CADM1: variants seen among roughly 807,000 people sequenced by gnomAD.
The protein encoded by CADM1 is cell adhesion molecule 1, also known as TSLC-1.
Under a neutral mutation model 53.1 loss-of-function variants are expected in CADM1, and 15 were observed. The observed-to-expected ratio is 0.28, with a 90% CI of 0.19 to 0.44. CADM1 has a LOEUF of 0.44. Ranked by LOEUF, CADM1 falls within the 20% of genes least tolerant of loss-of-function variation. The pLI is 1.00. For missense variants in CADM1, 434 were observed against 611.3 expected, an observed-to-expected ratio of 0.71 and a Z score of 3.06; for synonymous variants, 281 against 243.0, an observed-to-expected ratio of 1.16 and a Z score of -1.45.
intron 3 of CADM1, among the ~76,000 whole-genome samples, chr11:115,231,966 AC>A (rs1330263732): frequency 6.6e-6 from 1 of 151,504 alleles, no homozygotes; most frequent in Non-Finnish European, 1.5e-5. Flanking sequence ...AGCCTGGGCA[AC>A]AAGAGCGAAA....
chr11:115,406,500 A>G (rs1392299467), intron 1 of CADM1, among the ~76,000 whole-genome samples: 3 of 148,420 alleles, frequency 2.0e-5, no homozygotes, highest in African/African-American at 7.3e-5. Flanking sequence ...ATTACAAAAT[A>G]TTTATAAATA....
intron 1 of CADM1, among the ~76,000 whole-genome samples, chr11:115,301,103 A>G (rs1944209400): frequency 6.6e-6 from 1 of 152,080 alleles, no homozygotes. Flanking sequence ...AAAATTCTGT[A>G]TTGATATTTA....
rs11215546 is a variant in CADM1, at chr11:115,419,704, T to C, written c.124+84567A>G. ...CCGAAAATGAGCCCCTGAGACTCAA[T>C]AATCTGATTAGTTAAACTGGGTGAA... On this transcript the variant is annotated intron_variant, in intron 1 of 11. Transcript: ENST00000331581. Among the ~76,000 whole-genome samples, 773 of 152,272 alleles carry C rather than the reference T, an allele frequency of 5.1e-3. 4 individuals carry two copies. The highest frequency in any genetic ancestry group is 0.018 in the African/African-American group (742 of 41,550).
intron 1 of CADM1, among the ~76,000 whole-genome samples, chr11:115,460,845 T>G (rs1003066452): frequency 1.3e-5 from 2 of 152,168 alleles, no homozygotes; most frequent in African/African-American, 4.8e-5. Context: ...TTTTCCATTT[T>G]TCTTTTTCCT....
chr11:115,373,333 C>T (rs1591757535), intron 1 of CADM1, among the ~76,000 whole-genome samples: 1 of 151,980 alleles, frequency 6.6e-6, no homozygotes, highest in Admixed American at 6.6e-5. Flanking sequence ...GCCTGTAATC[C>T]CAGCACTTTG....
chr11:115,375,186 T>C (rs1946407105), intron 1 of CADM1, among the ~76,000 whole-genome samples: 1 of 152,172 alleles, frequency 6.6e-6, no homozygotes, highest in African/African-American at 2.4e-5. Context: ...ACTGTTGAAG[T>C]TGAGTGATAA....
chr11:115,450,390 T>A (rs1948545318), intron 1 of CADM1, among the ~76,000 whole-genome samples: 1 of 152,174 alleles, frequency 6.6e-6, no homozygotes, highest in Non-Finnish European at 1.5e-5. Context: ...CCTTTATTCC[T>A]AGTTCTAAAA....
At chr11:115,474,852 A>T (rs1280807304) in intron 1 of CADM1, among the ~76,000 whole-genome samples, 4 of 152,128 alleles carry the variant, frequency 2.6e-5, no homozygotes, top group Admixed American at 2.6e-4. Context: ...TATAATAATT[A>T]AAAAAACCAT....
intron 1 of CADM1, among the ~76,000 whole-genome samples, chr11:115,286,725 C>T (rs556273369): frequency 2.0e-5 from 3 of 152,250 alleles, no homozygotes; most frequent in East Asian, 1.9e-4. Flanking sequence ...TACAGAACTA[C>T]CTCTCCCCCC....
chr11:115,281,948 T>G (rs1393956962), intron 1 of CADM1, among the ~76,000 whole-genome samples: 1 of 152,214 alleles, frequency 6.6e-6, no homozygotes, highest in Non-Finnish European at 1.5e-5. Flanking sequence ...GGTGTCCTTC[T>G]GTTTACAACA....
At chr11:115,180,628 T>A (rs1204460939) in intron 10 of CADM1, among the ~76,000 whole-genome samples, 1 of 135,622 alleles carries the variant, frequency 7.4e-6, no homozygotes, top group Non-Finnish European at 1.5e-5. Context: ...GGTCAAGGGA[T>A]TTTTTTTTTT....
intron 1 of CADM1, among the ~76,000 whole-genome samples, chr11:115,375,406 T>A (rs1367150821): frequency 6.6e-6 from 1 of 152,198 alleles, no homozygotes; most frequent in Non-Finnish European, 1.5e-5. Flanking sequence ...GCTGGCAAAG[T>A]TCTTGACCTC....
chr11:115,185,916 T>C (rs965021962), intron 10 of CADM1, among the ~76,000 whole-genome samples: 1 of 152,202 alleles, frequency 6.6e-6, no homozygotes, highest in Admixed American at 6.5e-5. Flanking sequence ...TTAATGAATA[T>C]GGTGAAGTCA....
rs1418015126 is a variant in CADM1, at chr11:115,174,762, G to T, written c.*1712C>A. Reference sequence around the variant, plus strand: ...GAATATATATTTATATATATATATAGATCTATCTTTTTTGATGCCATCTTT... The same window carrying T: ...GAATATATATTTATATATATATATATATCTATCTTTTTTGATGCCATCTTT... On this transcript the variant is annotated 3_prime_UTR_variant, in exon 12 of 12. Transcript: ENST00000331581. The T allele has an allele frequency of 1.1e-6, 1 of 878,530 alleles. No individual in the cohort carries two copies. Among genetic ancestry groups the T allele is most frequent in the African/African-American group, 1.8e-5 (1 of 54,960 alleles). The allele number at this position is 878,530 out of a possible 1,614,324, so 54.4% of individuals were successfully genotyped here.
rs549396675 is a variant in CADM1 at position 115,224,680 on chromosome 11, C to A, written c.721+4433G>T. Among the ~76,000 whole-genome samples the A allele has an allele frequency of 2.0e-5, 3 of 152,284 alleles. No individual in the cohort carries two copies. The South Asian group carries it at 6.2e-4, about 32-fold the overall frequency. On this transcript the variant is annotated intron_variant, in intron 5 of 11. Coordinates refer to ENST00000331581, the MANE Select transcript of CADM1 (RefSeq NM_001301043.2). ...GCTTTCCTCCCTTGTGCAAAGCAAT[C>A]TGAATTCCATACTGAGGGTCACAGC... is the stretch of plus-strand genomic sequence containing the variant.
chr11:115,476,902 C>A (rs1949145399), intron 1 of CADM1, among the ~76,000 whole-genome samples: 1 of 152,174 alleles, frequency 6.6e-6, no homozygotes, highest in African/African-American at 2.4e-5. Context: ...AAATACATAA[C>A]ATCCAAGCCC....
At chr11:115,439,833 A>G (rs577577943) in intron 1 of CADM1, among the ~76,000 whole-genome samples, 1 of 152,308 alleles carries the variant, frequency 6.6e-6, no homozygotes, top group Admixed American at 6.5e-5. Flanking sequence ...ATTTTTTCCC[A>G]TCAAAACATT....
intron 1 of CADM1, among the ~76,000 whole-genome samples, chr11:115,429,649 G>A (rs949231480): frequency 1.3e-5 from 2 of 151,524 alleles, no homozygotes; most frequent in African/African-American, 2.4e-5. Context: ...ATCAAACATT[G>A]TTTTTCAAAG....
chr11:115,209,931 G>A (rs1037615878), intron 7 of CADM1, among the ~76,000 whole-genome samples: 3 of 152,124 alleles, frequency 2.0e-5, no homozygotes, highest in Admixed American at 1.3e-4. Flanking sequence ...CAAAACATAC[G>A]ACACCCCTCT....
Sources: allele counts gnomAD v4.1 joint callset (sites outside exome capture counted in the v4.1 genomes callset), GRCh38; gene constraint gnomAD v4.1.1; transcripts MANE v1.5; gene names NCBI Gene and HGNC (gene_info 2026-07-23, HGNC 2026-07-21).